PCOLCE2: variants seen among roughly 807,000 people sequenced by gnomAD.
PCOLCE2 encodes the protein procollagen C-proteinase enhancer 2.
In PCOLCE2, 42 loss-of-function variants were observed where a neutral mutation model predicts 47.0. The observed-to-expected ratio is 0.89, with a 90% CI of 0.70 to 1.16. The LOEUF is 1.16. PCOLCE2 is among the 50% of genes most tolerant of loss of function. The pLI is 0.00. For synonymous variants in PCOLCE2, 169 were observed against 191.7 expected (o/e 0.88, Z 0.98); for missense variants, 500 against 526.1 (o/e 0.95, Z 0.49).
intron 2 of PCOLCE2, among the ~76,000 whole-genome samples, chr3:142,858,733 GTA>G (rs1209353183): frequency 3.1e-5 from 3 of 98,122 alleles, no homozygotes; most frequent in African/African-American, 1.0e-4. Flanking sequence ...GTGTGTGTGT[GTA>G]TGTGTGTGTG....
intron 8 of PCOLCE2, among the ~76,000 whole-genome samples, chr3:142,819,287 T>C (rs1297143417): frequency 6.6e-6 from 1 of 152,152 alleles, no homozygotes; most frequent in Non-Finnish European, 1.5e-5. Context: ...ACCTCAGAAA[T>C]AAATCAGAAA....
intron 2 of PCOLCE2, among the ~76,000 whole-genome samples, chr3:142,856,268 T>C (rs372283395): frequency 6.6e-6 from 1 of 152,170 alleles, no homozygotes; most frequent in African/African-American, 2.4e-5. Flanking sequence ...TCGAGGCACA[T>C]ACTGTAATTT....
At chr3:142,834,818 A>G (rs1937184925) in intron 5 of PCOLCE2, among the ~76,000 whole-genome samples, 1 of 152,044 alleles carries the variant, frequency 6.6e-6, no homozygotes, top group Non-Finnish European at 1.5e-5. Context: ...TTTTTGTGTC[A>G]GGTTCATACT....
At chr3:142,887,842 T>A in intron 1 of PCOLCE2, 65 bp from the exon 2 acceptor site, 3 of 859,490 alleles carry the variant, frequency 3.5e-6, no homozygotes, top group Non-Finnish European at 5.9e-6. Flanking sequence ...TGATGTTACC[T>A]TCAGAAAGGT....
At chr3:142,860,425 TTTGTTGTTG>T (rs140866650) in intron 2 of PCOLCE2, among the ~76,000 whole-genome samples, 4 of 151,682 alleles carry the variant, frequency 2.6e-5, no homozygotes, top group African/African-American at 7.3e-5. Context: ...TAATTGCCTT[TTTGTTGTTG>T]TTGTTGTTGT....
At chr3:142,845,558 T>G (rs1391175153) in intron 3 of PCOLCE2, among the ~76,000 whole-genome samples, 1 of 152,260 alleles carries the variant, frequency 6.6e-6, no homozygotes, top group Non-Finnish European at 1.5e-5. Context: ...TTTCTACCAG[T>G]GTAAGTATAA....
chr3:142,850,019 G>A (rs980636494), intron 2 of PCOLCE2, among the ~76,000 whole-genome samples: 3 of 152,130 alleles, frequency 2.0e-5, no homozygotes, highest in Non-Finnish European at 2.9e-5. Flanking sequence ...TGCCATCGTT[G>A]CATTCTAATT....
intron 2 of PCOLCE2, among the ~76,000 whole-genome samples, chr3:142,853,063 A>T (rs1417951928): frequency 6.6e-6 from 1 of 151,010 alleles, no homozygotes; most frequent in East Asian, 1.9e-4. Flanking sequence ...CCATGATCAC[A>T]CTGTACTCTA....
chr3:142,844,604 A>G (rs1248218255), intron 3 of PCOLCE2, among the ~76,000 whole-genome samples: 2 of 152,200 alleles, frequency 1.3e-5, no homozygotes, highest in African/African-American at 4.8e-5. Context: ...AAGTAATGGC[A>G]TCTCACTGTA....
chr3:142,827,334 T>G, intron 6 of PCOLCE2: 2 of 1,426,904 alleles, frequency 1.4e-6, no homozygotes, highest in Non-Finnish European at 2.0e-6. Flanking sequence ...GCCTTCAAGA[T>G]GGGTTTGTCA....
chr3:142,836,385 A>C (rs1447130817), intron 5 of PCOLCE2, among the ~76,000 whole-genome samples: 1 of 152,222 alleles, frequency 6.6e-6, no homozygotes, highest in Non-Finnish European at 1.5e-5. Context: ...CTGCAAGCAC[A>C]GTCTGTTAGA....
intron 6 of PCOLCE2, chr3:142,827,534 A>G (rs1937096835): frequency 8.8e-6 from 13 of 1,480,660 alleles, no homozygotes; most frequent in Non-Finnish European, 1.2e-5. Context: ...GCAGCACACG[A>G]TCATACCCTC....
At chr3:142,838,974 T>C (rs1427024463) in intron 4 of PCOLCE2, 68 bp from the exon 5 acceptor site, 1 of 1,260,198 alleles carries the variant, frequency 7.9e-7, no homozygotes, top group Non-Finnish European at 1.1e-6. Flanking sequence ...AATGGAATTC[T>C]TCCTCTCCCC....
Position 142,889,054 on chromosome 3 carries a change from C to T in PCOLCE2, c.-158G>A. 1 of 390,250 alleles carries T rather than the reference C, an allele frequency of 2.6e-6. No homozygotes were observed. The highest frequency in any genetic ancestry group is 3.8e-5 in the East Asian group (1 of 26,538). The allele number at this position is 390,250 out of a possible 1,614,324, so 24.2% of individuals were successfully genotyped here. A position where few individuals can be genotyped will look rare whatever the true frequency, so the allele number is the denominator to read the frequency against. On this transcript the variant is annotated 5_prime_UTR_variant, in exon 1 of 9. Transcript: ENST00000295992. ...GCGCTCCCTCTCACGCGCGCACCGCCGCGGGGCGGCCCAGGTAGCCGGGGG... is the reference window on the plus strand; with the variant it reads ...GCGCTCCCTCTCACGCGCGCACCGCTGCGGGGCGGCCCAGGTAGCCGGGGG...
intron 2 of PCOLCE2, among the ~76,000 whole-genome samples, chr3:142,867,086 C>T (rs1933299902): frequency 6.6e-6 from 1 of 152,172 alleles, no homozygotes; most frequent in Non-Finnish European, 1.5e-5. Context: ...GAATGACACG[C>T]CTGGTCAAAC....
At chr3:142,872,983 A>G (rs763104310) in intron 2 of PCOLCE2, among the ~76,000 whole-genome samples, 2 of 152,264 alleles carry the variant, frequency 1.3e-5, no homozygotes, top group African/African-American at 4.8e-5. Flanking sequence ...ATTTTATTTA[A>G]TGTTATAAAT....
intron 2 of PCOLCE2, among the ~76,000 whole-genome samples, chr3:142,859,360 G>C (rs1036127883): frequency 1.3e-5 from 2 of 151,698 alleles, no homozygotes; most frequent in South Asian, 4.2e-4. Flanking sequence ...AGCACACCTG[G>C]CCCATGTTTT....
intron 6 of PCOLCE2, among the ~76,000 whole-genome samples, chr3:142,829,306 T>G (rs1012842670): frequency 6.7e-6 from 1 of 150,044 alleles, no homozygotes; most frequent in Non-Finnish European, 1.5e-5. Flanking sequence ...AAAACAAACA[T>G]TGGCAGAATA....
intron 1 of PCOLCE2, 188 bp downstream of exon 1, chr3:142,888,626 A>C (rs185299526): frequency 4.7e-6 from 2 of 429,342 alleles, no homozygotes; most frequent in African/African-American, 2.1e-5. Flanking sequence ...CCCGCGAGCA[A>C]GGATGGGTCC....
Sources: gnomAD v4.1 joint callset for allele counts (sites outside exome capture counted in the v4.1 genomes callset) on GRCh38, gnomAD v4.1.1 for gene constraint, MANE v1.5 for transcripts, NCBI Gene and HGNC (gene_info 2026-07-23, HGNC 2026-07-21) for gene names.